LIPC: variants seen among roughly 807,000 people sequenced by gnomAD.
LIPC encodes lipase C, hepatic type.
In LIPC, 44 loss-of-function variants were observed where a neutral mutation model predicts 50.7. That is an observed-to-expected ratio of 0.87 (90% CI 0.68 to 1.11). LIPC has a LOEUF of 1.11. Ranked by LOEUF, LIPC falls within the 50% of genes most tolerant of loss-of-function variation. The pLI is 0.00. For synonymous variants in LIPC, 271 were observed against 256.4 expected, an observed-to-expected ratio of 1.06 and a Z score of -0.54; for missense variants, 697 against 648.2, an observed-to-expected ratio of 1.08 and a Z score of -0.82.
chr15:58,433,999 T>G (rs1198942027), intron 1 of LIPC, among the ~76,000 whole-genome samples: 2 of 152,154 alleles, frequency 1.3e-5, no homozygotes, highest in African/African-American at 4.8e-5. Flanking sequence ...TCAGGAAAGT[T>G]TCTACACCAA....
chr15:58,537,740 C>A (rs1428843530), intron 1 of LIPC, among the ~76,000 whole-genome samples: 2 of 152,138 alleles, frequency 1.3e-5, no homozygotes, highest in African/African-American at 4.8e-5. Context: ...GAATGCCACA[C>A]CCTCCCTCAA....
At chr15:58,509,417 A>G (rs1259858610) in intron 1 of LIPC, among the ~76,000 whole-genome samples, 1 of 152,228 alleles carries the variant, frequency 6.6e-6, no homozygotes, top group Admixed American at 6.5e-5. Flanking sequence ...GCAACTACCT[A>G]CTAGCCACAG....
chr15:58,549,255 A>G (rs907328020), intron 6 of LIPC, among the ~76,000 whole-genome samples: 3 of 152,232 alleles, frequency 2.0e-5, no homozygotes, highest in African/African-American at 7.2e-5. Context: ...ATCTGTTGCC[A>G]TTAACATTTC....
rs200693985 is a variant in LIPC at position 58,478,428 on chromosome 15, AG to A, written c.88+46311del. Among the ~76,000 whole-genome samples the A allele has an allele frequency of 7.9e-5, 12 of 152,130 alleles. No homozygotes were observed. In the East Asian group the frequency reaches 1.6e-3, roughly 20 times the overall value. ...TAATTTTTGTATTTTTAGTAGAGAT[AG>A]GGTTTCAACATGTTGGCCAGGCTGG... is the stretch of plus-strand genomic sequence containing the variant. On this transcript the variant is annotated intron_variant, in intron 1 of 8. Transcript: ENST00000299022.
chr15:58,476,410 C>A (rs1891001832), intron 1 of LIPC, among the ~76,000 whole-genome samples: 1 of 152,266 alleles, frequency 6.6e-6, no homozygotes, highest in East Asian at 1.9e-4. Flanking sequence ...TCACAGGAAG[C>A]CATGCAGTCT....
At chr15:58,529,774 G>A (rs1459841976) in intron 1 of LIPC, among the ~76,000 whole-genome samples, 2 of 152,200 alleles carry the variant, frequency 1.3e-5, no homozygotes, top group African/African-American at 4.8e-5. Flanking sequence ...TTTCTACCTG[G>A]ATGCATGGTT....
At chr15:58,543,265 A>G (rs1893401257) in intron 4 of LIPC, among the ~76,000 whole-genome samples, 1 of 151,656 alleles carries the variant, frequency 6.6e-6, no homozygotes, top group Non-Finnish European at 1.5e-5. Context: ...CCAAAAACAC[A>G]CAGCTGGTGA....
chr15:58,486,389 A>G (rs937456466), intron 1 of LIPC, among the ~76,000 whole-genome samples: 4 of 152,172 alleles, frequency 2.6e-5, no homozygotes, highest in Non-Finnish European at 4.4e-5. Flanking sequence ...TGGTCACCCT[A>G]GTTAGGCATG....
intron 1 of LIPC, chr15:58,456,290 G>A (rs1184173388): frequency 2.0e-5 from 3 of 152,216 alleles, no homozygotes; most frequent in Non-Finnish European, 4.4e-5. Context: ...TTTTACATTT[G>A]CATTAAGGAA....
intron 1 of LIPC, among the ~76,000 whole-genome samples, chr15:58,479,207 T>A (rs1196666989): frequency 3.3e-5 from 5 of 152,220 alleles, no homozygotes; most frequent in African/African-American, 9.6e-5. Context: ...AATCTACTGG[T>A]AGCTCAACTT....
At chr15:58,541,466 A>G (rs1893320179) in intron 2 of LIPC, among the ~76,000 whole-genome samples, 2 of 147,392 alleles carry the variant, frequency 1.4e-5, no homozygotes, top group South Asian at 2.2e-4. Context: ...GAGGAAAAAC[A>G]TTAAGATAAT....
intron 6 of LIPC, among the ~76,000 whole-genome samples, chr15:58,556,916 G>A (rs1185263035): frequency 6.6e-6 from 1 of 152,208 alleles, no homozygotes; most frequent in East Asian, 1.9e-4. Flanking sequence ...ATAATTATAT[G>A]AAACTATTAG....
At chr15:58,495,149 C>G (rs1891723247) in intron 1 of LIPC, among the ~76,000 whole-genome samples, 1 of 152,208 alleles carries the variant, frequency 6.6e-6, no homozygotes, top group Non-Finnish European at 1.5e-5. Flanking sequence ...GAGCACTGGA[C>G]TACGCATCAA....
rs1302561091 is a variant in LIPC, at chr15:58,568,916, G to T, written c.*89G>T. On this transcript the variant is annotated 3_prime_UTR_variant, in exon 9 of 9. Transcript: ENST00000299022. ...TATTTAGAAGCCAAAATTACATAAA[G>T]AATCTCACACAAAGCTTAAATAAAG... 5 of 699,120 alleles carry T rather than the reference G, an allele frequency of 7.2e-6. No homozygotes were observed. The highest frequency in any genetic ancestry group is 1.2e-5 in the Non-Finnish European group (5 of 417,422). The allele number at this position is 699,120 out of a possible 1,614,324, so 43.3% of individuals were successfully genotyped here. A position where few individuals can be genotyped will look rare whatever the true frequency, so the allele number is the denominator to read the frequency against.
intron 1 of LIPC, among the ~76,000 whole-genome samples, chr15:58,433,702 C>A (rs542814443): frequency 6.1e-4 from 93 of 152,338 alleles, no homozygotes; most frequent in African/African-American, 2.2e-3. Context: ...CTCCCCCAGG[C>A]TTCTGGGTAT....
intron 6 of LIPC, among the ~76,000 whole-genome samples, chr15:58,551,391 T>C (rs1485914749): frequency 1.3e-5 from 2 of 152,256 alleles, no homozygotes; most frequent in African/African-American, 4.8e-5. Context: ...ACAAACCATA[T>C]GTGGCTATTT....
rs2414590 is a variant in LIPC at position 58,542,923 on chromosome 15, C to T, written c.574+272C>T. On this transcript the variant is annotated intron_variant, in intron 4 of 8. Coordinates refer to ENST00000299022, the MANE Select transcript of LIPC (RefSeq NM_000236.3). ...GTGCCAAATGGGACTAAAAGATGGA[C>T]TTTTCTAGCAAGAAAGAGTCTTATT... is the stretch of plus-strand genomic sequence containing the variant. Among the ~76,000 whole-genome samples the T allele has an allele frequency of 2.0e-3, 304 of 152,296 alleles. 1 individual carries two copies. Among genetic ancestry groups the T allele is most frequent in the African/African-American group, 7.2e-3 (299 of 41,574 alleles).
chr15:58,527,892 A>G (rs1408319250), intron 1 of LIPC, among the ~76,000 whole-genome samples: 2 of 152,160 alleles, frequency 1.3e-5, no homozygotes, highest in Admixed American at 6.5e-5. Flanking sequence ...CACATGGGGA[A>G]GCCCTAGGGA....
intron 1 of LIPC, among the ~76,000 whole-genome samples, chr15:58,453,233 T>G (rs1454901526): frequency 1.3e-5 from 2 of 152,068 alleles, no homozygotes; most frequent in Non-Finnish European, 2.9e-5. Context: ...CACAGTCCCA[T>G]AAACTCCTAT....
Sources: allele counts gnomAD v4.1 joint callset (sites outside exome capture counted in the v4.1 genomes callset), GRCh38; gene constraint gnomAD v4.1.1; transcripts MANE v1.5; gene names NCBI Gene and HGNC (gene_info 2026-07-23, HGNC 2026-07-21).